GABRB1: variants seen among roughly 807,000 people sequenced by gnomAD.
GABRB1 encodes gamma-aminobutyric acid receptor subunit beta-1.
A neutral mutation model predicts 51.6 loss-of-function variants in GABRB1; 17 were observed. That is an observed-to-expected ratio of 0.33 (90% CI 0.23 to 0.49). The LOEUF is 0.49. Among genes scored for constraint, GABRB1 ranks in the 20% least tolerant of loss-of-function variants. The pLI, the probability that GABRB1 is intolerant of heterozygous loss-of-function variation, is 0.99. For missense variants in GABRB1, 410 were observed against 600.6 expected (o/e 0.68, Z 3.32); for synonymous variants, 247 against 218.9 (o/e 1.13, Z -1.14).
chr4:47,316,111 A>G (rs1724878214), intron 4 of GABRB1, among the ~76,000 whole-genome samples: 1 of 151,872 alleles, frequency 6.6e-6, no homozygotes, highest in African/African-American at 2.4e-5. Context: ...GTCCTATGTT[A>G]CTTTCTTAAA....
chr4:47,097,686 T>C (rs943945859), intron 3 of GABRB1, among the ~76,000 whole-genome samples: 3 of 152,208 alleles, frequency 2.0e-5, no homozygotes, highest in African/African-American at 4.8e-5. Flanking sequence ...TTAATACATA[T>C]TAAGTGAATA....
chr4:47,292,314 T>A (rs1723777970), intron 4 of GABRB1, among the ~76,000 whole-genome samples: 1 of 152,192 alleles, frequency 6.6e-6, no homozygotes, highest in Non-Finnish European at 1.5e-5. Context: ...ACCTCTTTCT[T>A]TTGTAAATTG....
intron 4 of GABRB1, among the ~76,000 whole-genome samples, chr4:47,274,899 C>T (rs1488556833): frequency 6.6e-6 from 1 of 152,082 alleles, no homozygotes; most frequent in African/African-American, 2.4e-5. Context: ...GTCCAAATGG[C>T]CATTCCTATT....
intron 5 of GABRB1, among the ~76,000 whole-genome samples, chr4:47,371,057 C>T (rs1012156365): frequency 6.6e-6 from 1 of 151,904 alleles, no homozygotes; most frequent in East Asian, 1.9e-4. Context: ...GCCCAGCTTC[C>T]GTTAGCTGTT....
intron 5 of GABRB1, among the ~76,000 whole-genome samples, chr4:47,350,218 T>TATATATATATATAG (rs750199965): frequency 1.8e-4 from 10 of 56,658 alleles, no homozygotes; most frequent in East Asian, 1.8e-3. Context: ...TATATATATA[T>TATATATATATATAG]AGAGAGAGAG....
chr4:47,385,766 C>T (rs768463446), intron 5 of GABRB1, among the ~76,000 whole-genome samples: 1 of 152,114 alleles, frequency 6.6e-6, no homozygotes, highest in African/African-American at 2.4e-5. Context: ...ATTGGGTTCC[C>T]GGGTTACCCA....
In GABRB1 at chr4:47,299,794, T is replaced by C. The variant is rs1348588808; in HGVS notation, c.462-20333T>C. Among the ~76,000 whole-genome samples the C allele has an allele frequency of 3.3e-5, 5 of 152,256 alleles. No homozygotes were observed. In the South Asian group the frequency reaches 1.0e-3, roughly 32 times the overall value. On this transcript the variant is annotated intron_variant, in intron 4 of 8. Coordinates refer to ENST00000295454, the MANE Select transcript of GABRB1 (RefSeq NM_000812.4). ...TGTTATAAAGACACATGCACACGTA[T>C]GTTTATTGCAGCACTATTCACAATA...
chr4:47,308,632 G>T (rs1007868341), intron 4 of GABRB1, among the ~76,000 whole-genome samples: 1 of 152,068 alleles, frequency 6.6e-6, no homozygotes, highest in African/African-American at 2.4e-5. Context: ...CTAGGAAAGA[G>T]AATCATGTGG....
At chr4:47,080,925 A>G (rs1727815730) in intron 3 of GABRB1, among the ~76,000 whole-genome samples, 1 of 152,186 alleles carries the variant, frequency 6.6e-6, no homozygotes, top group Non-Finnish European at 1.5e-5. Flanking sequence ...AAACTGGTCT[A>G]GCTATACTTA....
At chr4:47,315,701 T>TA (rs912249005) in intron 4 of GABRB1, among the ~76,000 whole-genome samples, 2 of 151,926 alleles carry the variant, frequency 1.3e-5, no homozygotes, top group Non-Finnish European at 2.9e-5. Context: ...TACACAACCT[T>TA]AAAAAAGAAT....
At chr4:47,118,784 G>T (rs1715617535) in intron 3 of GABRB1, among the ~76,000 whole-genome samples, 1 of 152,108 alleles carries the variant, frequency 6.6e-6, no homozygotes, top group Non-Finnish European at 1.5e-5. Flanking sequence ...ATCAGAGTCT[G>T]TGCCAAGAAA....
intron 4 of GABRB1, among the ~76,000 whole-genome samples, chr4:47,165,420 C>T (rs1718140624): frequency 1.3e-5 from 2 of 152,032 alleles, no homozygotes; most frequent in Admixed American, 1.3e-4. Flanking sequence ...CATTACTCCT[C>T]TATCTCCAAC....
chr4:47,023,832 A>T (rs1038377459), intron 1 of GABRB1, among the ~76,000 whole-genome samples: 50 of 152,106 alleles, frequency 3.3e-4, no homozygotes, highest in Admixed American at 9.2e-4. Context: ...AAAATGAAAA[A>T]AATTGAGTAA....
At chr4:47,090,964 T>G (rs987838441) in intron 3 of GABRB1, among the ~76,000 whole-genome samples, 1 of 152,232 alleles carries the variant, frequency 6.6e-6, no homozygotes, top group Non-Finnish European at 1.5e-5. Context: ...TACTCTGGTG[T>G]TGTTCTGTGT....
At chr4:47,010,774 T>G (rs1015562406) in intron 1 of GABRB1, among the ~76,000 whole-genome samples, 7 of 152,210 alleles carry the variant, frequency 4.6e-5, no homozygotes, top group African/African-American at 1.7e-4. Flanking sequence ...TTCTCCACTC[T>G]GGGTTTCAGT....
chr4:47,326,155 G>T (rs1725255270), intron 5 of GABRB1, among the ~76,000 whole-genome samples: 1 of 152,162 alleles, frequency 6.6e-6, no homozygotes, highest in African/African-American at 2.4e-5. Context: ...TGTATATGCT[G>T]TCTATACTTC....
Position 47,381,818 on chromosome 4 carries a change from G to T in GABRB1, c.545-21500G>T, listed in dbSNP as rs927443429. Among the ~76,000 whole-genome samples the T allele has an allele frequency of 2.0e-5, 3 of 152,186 alleles. No homozygotes were observed. In the East Asian group the frequency reaches 5.8e-4, roughly 29 times the overall value. ...ATGTGCTGGGGAACTTATGGGTGAA[G>T]AGAATTATTTAGGAAGTTTGTATGT... On this transcript the variant is annotated intron_variant, in intron 5 of 8. Transcript: ENST00000295454.
In GABRB1 at chr4:47,350,210, T is replaced by TAGAGAGAGAG. The variant is rs1409250810; in HGVS notation, c.544+30002_544+30003insGAGAGAGAGA. On this transcript the variant is annotated intron_variant, in intron 5 of 8. Coordinates refer to ENST00000295454, the MANE Select transcript of GABRB1 (RefSeq NM_000812.4). ...ATATATATATATATATATATATATA[T>TAGAGAGAGAG]ATATATATAGAGAGAGAGAGAGAGA... Among the ~76,000 whole-genome samples, 23 of 88,804 alleles carry TAGAGAGAGAG rather than the reference T, an allele frequency of 2.6e-4. No individual in the cohort carries two copies. In the East Asian group the frequency reaches 5.2e-3, roughly 20 times the overall value. 58.3% of individuals were successfully genotyped at this position (88,804 alleles called of 152,430 possible).
At chr4:47,037,884 A>G (rs1725667258) in intron 3 of GABRB1, among the ~76,000 whole-genome samples, 1 of 152,160 alleles carries the variant, frequency 6.6e-6, no homozygotes, top group South Asian at 2.1e-4. Flanking sequence ...TTACACAGCT[A>G]GTGAATGGCA....
Sources: allele counts gnomAD v4.1 joint callset (sites outside exome capture counted in the v4.1 genomes callset), GRCh38; gene constraint gnomAD v4.1.1; transcripts MANE v1.5; gene names NCBI Gene and HGNC (gene_info 2026-07-23, HGNC 2026-07-21).